The following OXSR1 variants were observed in gnomAD, a reference collection of about 807,000 sequenced individuals.
OXSR1 encodes serine/threonine-protein kinase OSR1.
In OXSR1, 24 loss-of-function variants were observed where a neutral mutation model predicts 79.8. That is an observed-to-expected ratio of 0.30 (90% CI 0.22 to 0.42). OXSR1 has a LOEUF of 0.42. Ranked by LOEUF, OXSR1 falls within the 10% of genes least tolerant of loss-of-function variation. The pLI, the probability that OXSR1 is intolerant of heterozygous loss-of-function variation, is 1.00. For missense variants in OXSR1, 430 were observed against 618.4 expected, an observed-to-expected ratio of 0.70 and a Z score of 3.23; for synonymous variants, 226 against 209.2, an observed-to-expected ratio of 1.08 and a Z score of -0.69.
chr3:38,210,584 G>A (rs765877922), intron 4 of OXSR1, among the ~76,000 whole-genome samples: 9 of 152,006 alleles, frequency 5.9e-5, no homozygotes, highest in Admixed American at 3.9e-4. Context: ...TCTGCTTGGG[G>A]TTTTTAACTC....
intron 4 of OXSR1, among the ~76,000 whole-genome samples, chr3:38,202,561 C>G (rs1702183869): frequency 6.6e-6 from 1 of 152,070 alleles, no homozygotes; most frequent in African/African-American, 2.4e-5. Context: ...GAAAGATTAC[C>G]TAGGTGCCGA....
In OXSR1 at chr3:38,192,825, C is replaced by T. The variant is rs1040991468; in HGVS notation, c.292+1986C>T. Reference sequence around the variant, plus strand: ...TTAGTGATGGAGCCACACTGGCCTTCCTATCACTGTGCTGGTTGGTTTTTG... The same window carrying T: ...TTAGTGATGGAGCCACACTGGCCTTTCTATCACTGTGCTGGTTGGTTTTTG... On this transcript the variant is annotated intron_variant, in intron 3 of 17. Coordinates refer to ENST00000311806, the MANE Select transcript of OXSR1 (RefSeq NM_005109.3). Among the ~76,000 whole-genome samples, 29 of 152,262 alleles carry T rather than the reference C, an allele frequency of 1.9e-4. 1 individual carries two copies. In the East Asian group the frequency reaches 5.6e-3, roughly 29 times the overall value.
chr3:38,251,384 G>A lies in OXSR1; in HGVS notation c.1376-19G>A, dbSNP rs1703252606. ...AAGCACGCACAAAAAACAGAGCACT[G>A]TCTTCTTTGTCCTTGCAGATACAGC... On this transcript the variant is annotated intron_variant, in intron 15 of 17. Transcript: ENST00000311806. 6.2e-7 allele frequency: 1 copy of A among 1,608,512 alleles called. No individual in the cohort carries two copies. Among genetic ancestry groups the A allele is most frequent in the Non-Finnish European group, 8.5e-7 (1 of 1,175,198 alleles).
intron 3 of OXSR1, 81 bp from the exon 4 acceptor site, chr3:38,198,641 C>A: frequency 9.6e-7 from 1 of 1,040,074 alleles, no homozygotes; most frequent in Non-Finnish European, 1.4e-6. Flanking sequence ...AGAAGGTTCA[C>A]ATGTGTTTTG....
chr3:38,170,301 C>T (rs1393694762), intron 1 of OXSR1, among the ~76,000 whole-genome samples: 2 of 152,192 alleles, frequency 1.3e-5, no homozygotes, highest in Admixed American at 1.3e-4. Context: ...CTGCCTCGGC[C>T]TCCCAAAGTG....
chr3:38,207,543 A>G (rs1187848667), intron 4 of OXSR1, among the ~76,000 whole-genome samples: 1 of 152,172 alleles, frequency 6.6e-6, no homozygotes, highest in Non-Finnish European at 1.5e-5. Flanking sequence ...TGGTTGTCAC[A>G]ACAGGGGCTG....
At position 38,255,308 on chromosome 3, in the gene OXSR1, GATA is replaced by G. The variant is rs1273209092; in HGVS notation, c.*2421_*2423del. On this transcript the variant is annotated 3_prime_UTR_variant, in exon 18 of 18. Transcript: ENST00000311806. ...TTTGAACCAAATCCTAGAGCCAGCT[GATA>G]ATATTTAATAATCTGGAGGAGAGAA... 1 of 152,636 alleles carries G rather than the reference GATA, an allele frequency of 6.6e-6. No homozygotes were observed. The highest frequency in any genetic ancestry group is 2.4e-5 in the African/African-American group (1 of 41,442). The allele number at this position is 152,636 out of a possible 1,614,324, so 9.5% of individuals were successfully genotyped here. A position where few individuals can be genotyped will look rare whatever the true frequency, so the allele number is the denominator to read the frequency against.
chr3:38,238,685 T>C (rs950802784), intron 11 of OXSR1, among the ~76,000 whole-genome samples: 1 of 152,112 alleles, frequency 6.6e-6, no homozygotes, highest in Non-Finnish European at 1.5e-5. Flanking sequence ...ACATTCTTAT[T>C]CTTGTTCCTT....
intron 10 of OXSR1, 24 bp from the exon 11 acceptor site, chr3:38,236,815 C>A: frequency 6.3e-7 from 1 of 1,579,638 alleles, no homozygotes; most frequent in Non-Finnish European, 8.6e-7. Context: ...ACCACCATAA[C>A]CCACTTCTCT....
In OXSR1 at chr3:38,188,908, C is replaced by T. The variant is rs73062858; in HGVS notation, c.184-1823C>T. 9.5e-3 allele frequency among the ~76,000 whole-genome samples: 1,440 copies of T among 152,258 alleles called. 15 individuals are homozygous for T. The highest frequency in any genetic ancestry group is 0.016 in the Non-Finnish European group (1,089 of 68,002). ...TTGTAAAGTAGTATTTGTCTAACTT[C>T]TTTACCAAACTGTAAGTTTCATGAG... On this transcript the variant is annotated intron_variant, in intron 2 of 17. Transcript: ENST00000311806.
At chr3:38,227,220 C>CT (rs1272453093) in intron 8 of OXSR1, among the ~76,000 whole-genome samples, 1 of 152,196 alleles carries the variant, frequency 6.6e-6, no homozygotes, top group Non-Finnish European at 1.5e-5. Flanking sequence ...GTACCAGGCA[C>CT]TGTGGTAAAC....
At chr3:38,189,897 G>A (rs566971519) in intron 2 of OXSR1, among the ~76,000 whole-genome samples, 1 of 152,264 alleles carries the variant, frequency 6.6e-6, no homozygotes, top group Admixed American at 6.5e-5. Context: ...AGACAGATAA[G>A]CACACAATGT....
rs564359607 is a variant in OXSR1, at chr3:38,226,289, A to T, written c.836+1585A>T. On this transcript the variant is annotated intron_variant, in intron 8 of 17. Coordinates refer to ENST00000311806, the MANE Select transcript of OXSR1 (RefSeq NM_005109.3). ...AGCAGAAGGATTAGTGCTCCAGAAG[A>T]TTTAGGTAATGCAGTGAAAATCTGA... Among the ~76,000 whole-genome samples the T allele has an allele frequency of 1.8e-4, 28 of 152,176 alleles. 1 individual carries two copies. Among genetic ancestry groups the T allele is most frequent in the Admixed American group, 1.5e-3 (23 of 15,284 alleles).
At chr3:38,227,590 T>G (rs529922758) in intron 8 of OXSR1, among the ~76,000 whole-genome samples, 4 of 143,492 alleles carry the variant, frequency 2.8e-5, no homozygotes, top group Non-Finnish European at 6.0e-5. Flanking sequence ...CACACACAAA[T>G]GTACGTATAC....
At chr3:38,203,316 A>G (rs893909351) in intron 4 of OXSR1, among the ~76,000 whole-genome samples, 2 of 151,978 alleles carry the variant, frequency 1.3e-5, no homozygotes, top group African/African-American at 4.8e-5. Context: ...CTTGTCTTGT[A>G]TGCAATAAAT....
chr3:38,208,382 G>C (rs551497591), intron 4 of OXSR1, among the ~76,000 whole-genome samples: 1 of 152,106 alleles, frequency 6.6e-6, no homozygotes, highest in Admixed American at 6.5e-5. Flanking sequence ...AAAACTGAAC[G>C]ATCATAAATT....
Position 38,176,151 on chromosome 3 carries a change from T to C in OXSR1, c.71-6852T>C, listed in dbSNP as rs548582427. Among the ~76,000 whole-genome samples the C allele has an allele frequency of 2.6e-5, 4 of 152,310 alleles. No homozygotes were observed. The South Asian group carries it at 8.3e-4, about 32-fold the overall frequency. ...GAAGTAACAGTTTTACAAATAACTTTTGTTTTTGTTATGTGCAGTGTATAC... is the reference window on the plus strand; with the variant it reads ...GAAGTAACAGTTTTACAAATAACTTCTGTTTTTGTTATGTGCAGTGTATAC... On this transcript the variant is annotated intron_variant, in intron 1 of 17. Coordinates refer to ENST00000311806, the MANE Select transcript of OXSR1 (RefSeq NM_005109.3).
At chr3:38,233,751 C>CA (rs951856819) in intron 10 of OXSR1, among the ~76,000 whole-genome samples, 23 of 144,326 alleles carry the variant, frequency 1.6e-4, no homozygotes, top group Admixed American at 2.1e-4. Flanking sequence ...CAGACTCTAC[C>CA]AAAAAAAAAA....
At chr3:38,203,395 C>T (rs1215455797) in intron 4 of OXSR1, among the ~76,000 whole-genome samples, 2 of 152,156 alleles carry the variant, frequency 1.3e-5, no homozygotes, top group Non-Finnish European at 2.9e-5. Flanking sequence ...CCCCCGGGCC[C>T]AGCTGTTTTC....
Sources: allele counts gnomAD v4.1 joint callset (sites outside exome capture counted in the v4.1 genomes callset), GRCh38; gene constraint gnomAD v4.1.1; transcripts MANE v1.5; gene names NCBI Gene and HGNC (gene_info 2026-07-23, HGNC 2026-07-21).